EXOC6B: variants seen among roughly 807,000 people sequenced by gnomAD.
EXOC6B encodes the protein exocyst complex component 6B.
A neutral mutation model predicts 113.5 loss-of-function variants in EXOC6B; 54 were observed. That is an observed-to-expected ratio of 0.48 (90% confidence interval 0.38 to 0.60). The LOEUF (loss-of-function observed/expected upper bound fraction) is 0.60, where lower values mean the gene tolerates loss of function less well. EXOC6B is among the 20% of genes least tolerant of loss of function. The pLI is 0.00. For missense variants in EXOC6B, 797 were observed against 977.5 expected, an observed-to-expected ratio of 0.82 and a Z score of 2.46; for synonymous variants, 357 against 339.0, an observed-to-expected ratio of 1.05 and a Z score of -0.58.
intron 19 of EXOC6B, among the ~76,000 whole-genome samples, chr2:72,337,631 G>C (rs759819035): frequency 3.0e-4 from 45 of 152,076 alleles, no homozygotes; most frequent in Non-Finnish European, 5.9e-4. Context: ...GTTCCCAAAG[G>C]ATATAATGGC....
At chr2:72,809,936 T>C (rs1018544408) in intron 1 of EXOC6B, among the ~76,000 whole-genome samples, 1 of 152,098 alleles carries the variant, frequency 6.6e-6, no homozygotes, top group South Asian at 2.1e-4. Context: ...CAACAGCAGT[T>C]GAACACACAC....
chr2:72,529,914 A>G (rs1225453909), intron 8 of EXOC6B, among the ~76,000 whole-genome samples: 3 of 152,160 alleles, frequency 2.0e-5, no homozygotes, highest in Admixed American at 6.5e-5. Context: ...ATGTATGTAG[A>G]GTTGTTCACA....
At chr2:72,402,321 A>T (rs664652) in intron 18 of EXOC6B, among the ~76,000 whole-genome samples, 20,659 of 152,218 alleles carry the variant, frequency 0.14, 1,731 homozygotes, top group African/African-American at 0.24. Flanking sequence ...CCTTAATAAA[A>T]TGTTTACAAT....
At chr2:72,494,125 G>A (rs1699907472) in intron 15 of EXOC6B, among the ~76,000 whole-genome samples, 1 of 151,970 alleles carries the variant, frequency 6.6e-6, no homozygotes. Flanking sequence ...GAAGTTTTCA[G>A]GCAAAAACTT....
chr2:72,463,031 A>G (rs939280751), intron 18 of EXOC6B: 1 of 152,108 alleles, frequency 6.6e-6, no homozygotes, highest in African/African-American at 2.4e-5. Flanking sequence ...ATGTCTTTCT[A>G]GAATACATCA....
At chr2:72,558,933 C>T (rs924554131) in intron 8 of EXOC6B, among the ~76,000 whole-genome samples, 2 of 152,026 alleles carry the variant, frequency 1.3e-5, no homozygotes, top group African/African-American at 2.4e-5. Context: ...GTCTTGGTTG[C>T]TAGAGTTTAA....
intron 18 of EXOC6B, among the ~76,000 whole-genome samples, chr2:72,442,003 A>G (rs1378237115): frequency 6.6e-6 from 1 of 152,232 alleles, no homozygotes; most frequent in African/African-American, 2.4e-5. Flanking sequence ...AAAATCCTCA[A>G]CAAAATACTG....
At chr2:72,190,236 C>T (rs1419949564) in intron 20 of EXOC6B, among the ~76,000 whole-genome samples, 1 of 152,022 alleles carries the variant, frequency 6.6e-6, no homozygotes, top group Middle Eastern at 3.2e-3. Context: ...TGAGGTCTTG[C>T]TATGTTGCCC....
chr2:72,422,491 C>G (rs1573085590), intron 18 of EXOC6B, among the ~76,000 whole-genome samples: 1 of 151,130 alleles, frequency 6.6e-6, no homozygotes, highest in Middle Eastern at 3.4e-3. Context: ...GTGTCTAGCT[C>G]AAGATTTGTG....
At chr2:72,588,673 CA>C (rs1385652869) in intron 6 of EXOC6B, among the ~76,000 whole-genome samples, 1 of 151,950 alleles carries the variant, frequency 6.6e-6, no homozygotes, top group East Asian at 1.9e-4. Flanking sequence ...GAAAAAAAAT[CA>C]ATTAATAATT....
intron 16 of EXOC6B, among the ~76,000 whole-genome samples, chr2:72,483,404 G>A (rs1000921094): frequency 3.9e-5 from 6 of 152,120 alleles, no homozygotes; most frequent in South Asian, 2.1e-4. Context: ...TCATGTTATC[G>A]AAATAAAAAA....
chr2:72,588,345 G>A (rs1444401254), intron 6 of EXOC6B, among the ~76,000 whole-genome samples: 1 of 152,022 alleles, frequency 6.6e-6, no homozygotes, highest in Non-Finnish European at 1.5e-5. Flanking sequence ...ATATTATGTG[G>A]TCTGAAATAA....
chr2:72,493,816 G>A (rs1370363328), intron 15 of EXOC6B, among the ~76,000 whole-genome samples: 1 of 152,060 alleles, frequency 6.6e-6, no homozygotes, highest in African/African-American at 2.4e-5. Flanking sequence ...GTGTAAAAGA[G>A]AAAACTAAGA....
intron 8 of EXOC6B, among the ~76,000 whole-genome samples, chr2:72,521,371 T>C (rs1701478229): frequency 6.6e-6 from 1 of 152,202 alleles, no homozygotes. Context: ...TGTGGTATTT[T>C]GTTATACCAG....
intron 20 of EXOC6B, among the ~76,000 whole-genome samples, chr2:72,246,665 G>T (rs536970799): frequency 1.3e-3 from 203 of 151,918 alleles, no homozygotes; most frequent in African/African-American, 4.7e-3. Flanking sequence ...CCACCACCAT[G>T]CAGGGTCTCA....
intron 7 of EXOC6B, among the ~76,000 whole-genome samples, chr2:72,567,830 A>C (rs1704276708): frequency 6.6e-6 from 1 of 152,102 alleles, no homozygotes; most frequent in Non-Finnish European, 1.5e-5. Context: ...CACTACAAAA[A>C]ATAAGGGGAG....
At position 72,443,056 on chromosome 2, in the gene EXOC6B, G is replaced by C. The variant is rs188049779; in HGVS notation, c.1980+22104C>G. Reference sequence around the variant, plus strand: ...AGAAAAGACACATAGGCAGGGCGCGGTGCCTCACGCCTGTAATCCCAGCAC... The same window carrying C: ...AGAAAAGACACATAGGCAGGGCGCGCTGCCTCACGCCTGTAATCCCAGCAC... On this transcript the variant is annotated intron_variant, in intron 18 of 21. Coordinates refer to ENST00000272427, the MANE Select transcript of EXOC6B (RefSeq NM_015189.3). Among the ~76,000 whole-genome samples the C allele has an allele frequency of 6.2e-4, 94 of 152,196 alleles. 3 individuals are homozygous for C. In the East Asian group the frequency reaches 0.013, roughly 22 times the overall value.
chr2:72,571,369 T>C (rs538879730), intron 7 of EXOC6B, among the ~76,000 whole-genome samples: 5 of 152,150 alleles, frequency 3.3e-5, no homozygotes, highest in South Asian at 2.1e-4. Context: ...CTGGGCAACA[T>C]AGTGAAGCCT....
chr2:72,319,930 G>C (rs1215503422), intron 20 of EXOC6B, among the ~76,000 whole-genome samples: 1 of 151,736 alleles, frequency 6.6e-6, no homozygotes. Flanking sequence ...CCGACTCCCT[G>C]GTTCCAGCGA....
Sources: gnomAD v4.1 joint callset for allele counts (sites outside exome capture counted in the v4.1 genomes callset) on GRCh38, gnomAD v4.1.1 for gene constraint, MANE v1.5 for transcripts, NCBI Gene and HGNC (gene_info 2026-07-23, HGNC 2026-07-21) for gene names.